Variants in PCDHA8 observed in about 807,000 individuals in gnomAD.
PCDHA8 encodes protocadherin alpha 8.
Under a neutral mutation model 61.8 loss-of-function variants are expected in PCDHA8, and 53 were observed. That is an observed-to-expected ratio of 0.86 (90% CI 0.69 to 1.08). The LOEUF (loss-of-function observed/expected upper bound fraction) is 1.08. PCDHA8 is among the 50% of genes least tolerant of loss of function. The probability of loss-of-function intolerance (pLI) is 0.00; values close to 1 mark genes in which losing one functional copy is unlikely to be tolerated. For missense variants in PCDHA8, 1,293 were observed against 1,245.0 expected (o/e 1.04, Z -0.58); for synonymous variants, 618 against 556.6 (o/e 1.11, Z -1.55).
chr5:140,947,551 C>G (rs1203978810), intron 1 of PCDHA8, among the ~76,000 whole-genome samples: 3 of 151,488 alleles, frequency 2.0e-5, no homozygotes, highest in Non-Finnish European at 4.4e-5. Context: ...AAGAATTCCG[C>G]TGGGATTTAT....
At chr5:140,876,165 C>G in intron 1 of PCDHA8, 17 of 1,613,944 alleles carry the variant, frequency 1.1e-5, no homozygotes, top group Non-Finnish European at 1.4e-5. Flanking sequence ...TTCAAATAAC[C>G]GTCCTGGATG....
intron 1 of PCDHA8, chr5:140,883,678 G>C: frequency 1.2e-6 from 2 of 1,613,902 alleles, no homozygotes; most frequent in Non-Finnish European, 1.7e-6. Context: ...ACAATCCGCC[G>C]GGCTGCCACA....
At chr5:140,875,438 T>C (rs1554167643) in intron 1 of PCDHA8, 1 of 1,568,134 alleles carries the variant, frequency 6.4e-7, no homozygotes, top group Non-Finnish European at 8.6e-7. Flanking sequence ...CCCTTAAAAC[T>C]GATTGTCCCA....
intron 1 of PCDHA8, among the ~76,000 whole-genome samples, chr5:140,961,479 C>A (rs2095615905): frequency 6.6e-6 from 1 of 152,108 alleles, no homozygotes; most frequent in Admixed American, 6.6e-5. Context: ...TTTGTCTTGT[C>A]CACGTGAGTA....
intron 1 of PCDHA8, among the ~76,000 whole-genome samples, chr5:140,946,209 T>C (rs2153672553): frequency 6.6e-6 from 1 of 152,022 alleles, no homozygotes; most frequent in East Asian, 1.9e-4. Flanking sequence ...AGCACACAAA[T>C]GACCAACAGG....
chr5:140,881,326 C>G, intron 1 of PCDHA8: 1 of 984,388 alleles, frequency 1.0e-6, no homozygotes, highest in Non-Finnish European at 1.2e-6. Flanking sequence ...TTCTATTTAA[C>G]CAGGACGCCG....
chr5:141,006,765 G>T (rs1299930915), intron 3 of PCDHA8, among the ~76,000 whole-genome samples: 3 of 152,174 alleles, frequency 2.0e-5, no homozygotes, highest in Non-Finnish European at 4.4e-5. Context: ...ATGAAGAATA[G>T]AATAGAGAAA....
At chr5:140,955,438 A>C (rs975663366) in intron 1 of PCDHA8, among the ~76,000 whole-genome samples, 2 of 151,994 alleles carry the variant, frequency 1.3e-5, no homozygotes, top group African/African-American at 4.8e-5. Context: ...ATTAGGTCTG[A>C]TGGTTTTATA....
In PCDHA8 at chr5:140,850,586, C is replaced by T. The variant is rs10040059; in HGVS notation, c.2394+6871C>T. The stretch of plus-strand genomic sequence containing the variant: ...CCGAGGTGACGCTGGTGGATGTCAA[C>T]GTGTACCTGATCATCGCCATCTGCG... On this transcript the variant is annotated intron_variant, in intron 1 of 3. Transcript: ENST00000531613. 1,289 of 1,598,414 alleles carry T rather than the reference C, an allele frequency of 8.1e-4. 73 individuals carry two copies. In the African/African-American group the frequency reaches 0.014, roughly 17 times the overall value.
At chr5:140,861,374 T>C in intron 1 of PCDHA8, 1 of 409,110 alleles carries the variant, frequency 2.4e-6, no homozygotes, top group Middle Eastern at 9.4e-4. Context: ...CGGTCCCTAT[T>C]GCGCAGGACC....
At chr5:140,900,130 C>T (rs1156261230) in intron 1 of PCDHA8, among the ~76,000 whole-genome samples, 1 of 152,084 alleles carries the variant, frequency 6.6e-6, no homozygotes, top group East Asian at 1.9e-4. Flanking sequence ...TTTTAGGTAC[C>T]ACAAATAAGT....
In PCDHA8 at chr5:141,011,040, A is replaced by G. The variant is rs1467029720; in HGVS notation, c.*1103A>G. On this transcript the variant is annotated 3_prime_UTR_variant, in exon 4 of 4. Transcript: ENST00000531613. ...AATCACAGCTTTACTCTTTCAGGTCACTCTGGGGCTGCCTCTTGCATGTAT... is the reference window on the plus strand; with the variant it reads ...AATCACAGCTTTACTCTTTCAGGTCGCTCTGGGGCTGCCTCTTGCATGTAT... 1 of 153,602 alleles carries G rather than the reference A, an allele frequency of 6.5e-6. No homozygotes were observed. The highest frequency in any genetic ancestry group is 2.4e-5 in the African/African-American group (1 of 41,374). The allele number at this position is 153,602 out of a possible 1,614,324, so 9.5% of individuals were successfully genotyped here.
intron 3 of PCDHA8, among the ~76,000 whole-genome samples, chr5:140,993,102 C>T (rs979360910): frequency 2.6e-5 from 4 of 152,272 alleles, no homozygotes; most frequent in South Asian, 4.1e-4. Flanking sequence ...GTTTATTCAG[C>T]GGTCAGTGTC....
At chr5:140,911,384 C>T (rs2075446155) in intron 1 of PCDHA8, among the ~76,000 whole-genome samples, 1 of 152,134 alleles carries the variant, frequency 6.6e-6, no homozygotes, top group Non-Finnish European at 1.5e-5. Flanking sequence ...TGTGCATGCA[C>T]CTTTCATTGC....
chr5:140,852,390 G>A (rs1418398381), intron 1 of PCDHA8: 1 of 186,076 alleles, frequency 5.4e-6, no homozygotes, highest in African/African-American at 2.4e-5. Context: ...CAATTCTCCT[G>A]CCTCAGCCTC....
At chr5:140,987,592 G>A (rs150671243) in intron 3 of PCDHA8, among the ~76,000 whole-genome samples, 29 of 152,290 alleles carry the variant, frequency 1.9e-4, no homozygotes, top group Admixed American at 1.6e-3. Context: ...GAGAATAGTG[G>A]TGTCTACCTT....
chr5:140,849,816 G>T lies in PCDHA8; in HGVS notation c.2394+6101G>T, dbSNP rs2150451582. ...GCCTTCACTGTGGGCCACGGCCAGG[G>T]TGTCTGTGGAGGTGGCCGACGTGAA... On this transcript the variant is annotated intron_variant, in intron 1 of 3. Transcript: ENST00000531613. 94 of 1,598,462 alleles carry T rather than the reference G, an allele frequency of 5.9e-5. 8 individuals are homozygous for T. Among genetic ancestry groups the T allele is most frequent in the Admixed American group, 5.1e-5 (3 of 59,318 alleles).
rs1354913404 is a variant in PCDHA8 at position 140,858,709 on chromosome 5, A to G, written c.2394+14994A>G. 5 of 545,256 alleles carry G rather than the reference A, an allele frequency of 9.2e-6. 1 individual carries two copies. The African/African-American group carries it at 9.7e-5, about 11-fold the overall frequency. The allele number at this position is 545,256 out of a possible 1,614,324, so 33.8% of individuals were successfully genotyped here. A position where few individuals can be genotyped will look rare whatever the true frequency, so the allele number is the denominator to read the frequency against. ...ATATTTTCCAATACAAATATGTGATATAGGTTGCAGTTCTGACGATTTACT... is the reference window on the plus strand; with the variant it reads ...ATATTTTCCAATACAAATATGTGATGTAGGTTGCAGTTCTGACGATTTACT... On this transcript the variant is annotated intron_variant, in intron 1 of 3. Transcript: ENST00000531613.
intron 1 of PCDHA8, among the ~76,000 whole-genome samples, chr5:140,893,840 T>C (rs548325710): frequency 6.6e-6 from 1 of 152,312 alleles, no homozygotes; most frequent in Non-Finnish European, 1.5e-5. Flanking sequence ...GCCATCCTGA[T>C]GCCCTACCTC....
Sources: allele counts gnomAD v4.1 joint callset (sites outside exome capture counted in the v4.1 genomes callset), GRCh38; gene constraint gnomAD v4.1.1; transcripts MANE v1.5; gene names NCBI Gene and HGNC (gene_info 2026-07-23, HGNC 2026-07-21).